The following EIF2S1 variants were observed in gnomAD, a reference collection of about 807,000 sequenced individuals.
The protein encoded by EIF2S1 is eukaryotic translation initiation factor 2 subunit 1.
Under a neutral mutation model 33.5 loss-of-function variants are expected in EIF2S1, and 5 were observed. That is an observed-to-expected ratio of 0.15 (90% CI 0.08 to 0.31). EIF2S1 has a LOEUF of 0.31. EIF2S1 is among the 10% of genes least tolerant of loss of function. The pLI, the probability that EIF2S1 is intolerant of heterozygous loss-of-function variation, is 1.00. For synonymous variants in EIF2S1, 99 were observed against 127.5 expected (o/e 0.78, Z 1.51); for missense variants, 191 against 384.6 (o/e 0.50, Z 4.21).
chr14:67,376,560 G>C lies in EIF2S1; in HGVS notation c.443G>C (p.Gly148Ala). ...GACAAGTACAAGAGACCTGGATATG[G>C]TGCCTATGATGCATTTAAGCATGCA... Reference protein sequence around the residue: ...FDDKYKRPGYGAYDAFKHAVS... With the variant: ...FDDKYKRPGYAAYDAFKHAVS... Residue 148 changes from glycine to alanine, a missense_variant, in exon 4 of 8, where the codon GGT becomes GCT. Gly to Ala is a moderately conservative substitution (Grantham distance 60). Coordinates refer to ENST00000256383, the MANE Select transcript of EIF2S1 (RefSeq NM_004094.5). 6.2e-7 allele frequency: 1 copy of C among 1,613,996 alleles called. No homozygotes were observed. Among genetic ancestry groups the C allele is most frequent in the East Asian group, 2.2e-5 (1 of 44,870 alleles).
intron 1 of EIF2S1, among the ~76,000 whole-genome samples, chr14:67,363,724 GATAC>G (rs1356234856): frequency 1.3e-5 from 2 of 152,218 alleles, no homozygotes; most frequent in Non-Finnish European, 2.9e-5. Context: ...GTAGTGGAAA[GATAC>G]ATAAGTCAGT....
Position 67,386,457 on chromosome 14 carries a change from A to G in EIF2S1, c.*3017A>G, listed in dbSNP as rs1311539803. ...ATTTGTACTTGGCAGGAATGCTGGC[A>G]ATAGCTTGTGCCAGATTACTGTATA... On this transcript the variant is annotated 3_prime_UTR_variant, in exon 8 of 8. Coordinates refer to ENST00000256383, the MANE Select transcript of EIF2S1 (RefSeq NM_004094.5). 1 of 152,252 alleles carries G rather than the reference A, an allele frequency of 6.6e-6. No individual in the cohort carries two copies. Among genetic ancestry groups the G allele is most frequent in the African/African-American group, 2.4e-5 (1 of 41,466 alleles). 9.4% of individuals were successfully genotyped at this position (152,252 alleles called of 1,614,324 possible).
chr14:67,360,656 G>A (rs1221081621), intron 1 of EIF2S1, 200 bp downstream of exon 1: 2 of 157,604 alleles, frequency 1.3e-5, no homozygotes, highest in African/African-American at 2.4e-5. Flanking sequence ...GTGTTCCAGA[G>A]GCATCGTTGT....
Position 67,373,842 on chromosome 14 carries a change from A to AGTGTGTGTGTGT in EIF2S1, c.242-605_242-594dup, listed in dbSNP as rs35163593. Among the ~76,000 whole-genome samples, 1,181 of 145,772 alleles carry AGTGTGTGTGTGT rather than the reference A, an allele frequency of 8.1e-3. 12 individuals carry two copies. Among genetic ancestry groups the AGTGTGTGTGTGT allele is most frequent in the African/African-American group, 0.024 (950 of 40,028 alleles). On this transcript the variant is annotated intron_variant, in intron 2 of 7. Transcript: ENST00000256383. Reference sequence around the variant, plus strand: ...TAGATTAGATAGTTTTAATTTGTTCAGTGTGTGTGTGTGTGTGTGTGTGTG... The same window carrying AGTGTGTGTGTGT: ...TAGATTAGATAGTTTTAATTTGTTCAGTGTGTGTGTGTGTGTGTGTGTGTGTGTGTGTGTGTG...
At chr14:67,365,070 A>G (rs1007950355) in intron 2 of EIF2S1, 62 bp downstream of exon 2, 186 of 1,477,502 alleles carry the variant, frequency 1.3e-4, no homozygotes, top group Middle Eastern at 1.8e-4. Context: ...TTAAAAATAC[A>G]TTTTTTGTAA....
At position 67,384,584 on chromosome 14, in the gene EIF2S1, A is replaced by G. The variant is rs547862762; in HGVS notation, c.*1144A>G. On this transcript the variant is annotated 3_prime_UTR_variant, in exon 8 of 8. Coordinates refer to ENST00000256383, the MANE Select transcript of EIF2S1 (RefSeq NM_004094.5). ...TTTTATTCATTATCCCTAGATAGCT[A>G]TTAAGATACTTAGATTAGACCTAAC... 1 of 152,298 alleles carries G rather than the reference A, an allele frequency of 6.6e-6. No individual in the cohort carries two copies. The highest frequency in any genetic ancestry group is 6.5e-5 in the Admixed American group (1 of 15,304). 9.4% of individuals were successfully genotyped at this position (152,298 alleles called of 1,614,324 possible).
At chr14:67,366,751 T>A (rs1336950538) in intron 2 of EIF2S1, among the ~76,000 whole-genome samples, 5 of 151,948 alleles carry the variant, frequency 3.3e-5, no homozygotes, top group Admixed American at 3.3e-4. Context: ...CCTGAACAAG[T>A]ATGAAAAATA....
intron 4 of EIF2S1, among the ~76,000 whole-genome samples, chr14:67,378,030 C>G (rs78658554): frequency 0.034 from 5,218 of 151,694 alleles, 108 homozygotes; most frequent in East Asian, 0.06. Context: ...GCAGGAGGAT[C>G]ACTTGAGTCC....
At chr14:67,360,538 C>T (rs1426492538) in intron 1 of EIF2S1, 82 bp downstream of exon 1, 1 of 255,754 alleles carries the variant, frequency 3.9e-6, no homozygotes, top group Non-Finnish European at 7.4e-6. Context: ...GCGGGTAGGC[C>T]CCGGGCTAAT....
At chr14:67,379,350 G>A (rs2085873759) in intron 4 of EIF2S1, among the ~76,000 whole-genome samples, 1 of 152,178 alleles carries the variant, frequency 6.6e-6, no homozygotes, top group Non-Finnish European at 1.5e-5. Flanking sequence ...TGAATTCACA[G>A]TAGTATCTTT....
intron 1 of EIF2S1, among the ~76,000 whole-genome samples, chr14:67,362,876 C>T (rs1356246562): frequency 6.6e-6 from 1 of 152,156 alleles, no homozygotes; most frequent in East Asian, 1.9e-4. Flanking sequence ...CTATGAATAA[C>T]ATACCATCAA....
At position 67,360,464 on chromosome 14, in the gene EIF2S1, A is replaced by C. The variant is rs945445584; in HGVS notation, c.-2+8A>C. Reference sequence around the variant, plus strand: ...ATCACACACATACCTCAGGTGACTAATCCCAAGCTCGGTTTCTCCAGGAAC... The same window carrying C: ...ATCACACACATACCTCAGGTGACTACTCCCAAGCTCGGTTTCTCCAGGAAC... On this transcript the variant is annotated splice_region_variant and intron_variant, in intron 1 of 7. Transcript: ENST00000256383. The C allele has an allele frequency of 2.7e-6, 1 of 368,128 alleles. No individual in the cohort carries two copies. Among genetic ancestry groups the C allele is most frequent in the African/African-American group, 2.1e-5 (1 of 47,910 alleles). 22.8% of individuals were successfully genotyped at this position (368,128 alleles called of 1,614,324 possible).
chr14:67,381,512 A>G (rs2085887645), intron 5 of EIF2S1, 81 bp from the exon 6 acceptor site: 4 of 1,067,072 alleles, frequency 3.7e-6, no homozygotes, highest in Non-Finnish European at 5.8e-6. Context: ...ATACTAATAT[A>G]TCTGCCACGT....
intron 7 of EIF2S1, 44 bp downstream of exon 7, chr14:67,382,634 C>G: frequency 6.2e-7 from 1 of 1,608,484 alleles, no homozygotes; most frequent in Non-Finnish European, 8.5e-7. Context: ...CAGGAGGTTC[C>G]TAAAAGGAGT....
At chr14:67,381,491 T>C in intron 5 of EIF2S1, 102 bp from the exon 6 acceptor site, 1 of 839,216 alleles carries the variant, frequency 1.2e-6, no homozygotes, top group Non-Finnish European at 1.9e-6. Context: ...GGATTCAGTA[T>C]AAGTATTTGA....
rs1470470092 is a variant in EIF2S1 at position 67,365,095 on chromosome 14, CT to C, written c.241+89del. On this transcript the variant is annotated intron_variant, in intron 2 of 7. Coordinates refer to ENST00000256383, the MANE Select transcript of EIF2S1 (RefSeq NM_004094.5). ...ATTTTTTGTAAATTGCAAGCTGCAG[CT>C]TAAAAAAAAAAGCTCCTTTTATACT... 33 of 1,353,160 alleles carry C rather than the reference CT, an allele frequency of 2.4e-5. No individual in the cohort carries two copies. The African/African-American group carries it at 3.3e-4, about 13-fold the overall frequency. The allele number at this position is 1,353,160 out of a possible 1,614,324, so 83.8% of individuals were successfully genotyped here. A position where few individuals can be genotyped will look rare whatever the true frequency, so the allele number is the denominator to read the frequency against.
At chr14:67,383,031 A>G (rs572775307) in intron 7 of EIF2S1, among the ~76,000 whole-genome samples, 2 of 152,302 alleles carry the variant, frequency 1.3e-5, no homozygotes, top group Non-Finnish European at 2.9e-5. Flanking sequence ...CTTGAAAGAT[A>G]CAGCCATTGG....
intron 2 of EIF2S1, among the ~76,000 whole-genome samples, chr14:67,367,247 T>G (rs895133406): frequency 1.3e-4 from 20 of 152,316 alleles, no homozygotes; most frequent in Admixed American, 9.8e-4. Flanking sequence ...TCTCTTTTTT[T>G]GGGGGATGGA....
chr14:67,361,764 A>G lies in EIF2S1; in HGVS notation c.-2+1308A>G, dbSNP rs1450095013. Among the ~76,000 whole-genome samples, 3 of 152,222 alleles carry G rather than the reference A, an allele frequency of 2.0e-5. No individual in the cohort carries two copies. The East Asian group carries it at 5.8e-4, about 29-fold the overall frequency. On this transcript the variant is annotated intron_variant, in intron 1 of 7. Coordinates refer to ENST00000256383, the MANE Select transcript of EIF2S1 (RefSeq NM_004094.5). ...TCAGAACACATAAGAGTATTATAGC[A>G]TGTTGTGATATTGAGGTTCTGTGGG... is the stretch of plus-strand genomic sequence containing the variant.
Sources: allele counts gnomAD v4.1 joint callset (sites outside exome capture counted in the v4.1 genomes callset), GRCh38; gene constraint gnomAD v4.1.1; transcripts MANE v1.5; gene names NCBI Gene and HGNC (gene_info 2026-07-23, HGNC 2026-07-21).